AKAP12: variants seen among roughly 807,000 people sequenced by gnomAD.
The protein encoded by AKAP12 is A-kinase anchoring protein 12, also known as A-kinase anchor protein 12.
In AKAP12, 32 loss-of-function variants were observed where a neutral mutation model predicts 79.9. The ratio of observed to expected loss-of-function variants is 0.40; its 90% CI spans 0.30 to 0.54. The LOEUF (loss-of-function observed/expected upper bound fraction) is 0.54. Ranked by LOEUF, AKAP12 falls within the 20% of genes least tolerant of loss-of-function variation. The pLI, the probability that AKAP12 is intolerant of heterozygous loss-of-function variation, is 0.48. For missense variants in AKAP12, 2,074 were observed against 2,177.0 expected (o/e 0.95, Z 0.94); for synonymous variants, 808 against 857.0 (o/e 0.94, Z 1.00).
chr6:151,340,088 G>A (rs180987005), intron 3 of AKAP12, among the ~76,000 whole-genome samples: 2 of 152,076 alleles, frequency 1.3e-5, no homozygotes, highest in Admixed American at 1.3e-4. Flanking sequence ...ACAATGCCCG[G>A]CTAATTTTTG....
Position 151,352,221 on chromosome 6 carries a change from A to T in AKAP12, c.3830A>T (p.Asp1277Val), listed in dbSNP as rs1340621763. Residue 1277 changes from aspartate to valine, a missense_variant, in exon 4 of 5, where the codon GAC becomes GTC. Physicochemically the swap from Asp to Val is radical, Grantham distance 152. Coordinates refer to ENST00000402676, the MANE Select transcript of AKAP12 (RefSeq NM_005100.4). The part of the protein sequence containing the change: ...ADQYADEKTK[D>V]VPFFEGLEGS... ...CAGTATGCTGATGAGAAAACCAAAG[A>T]CGTACCATTTTTCGAAGGACTTGAG... 6.2e-7 allele frequency: 1 copy of T among 1,614,124 alleles called. No individual in the cohort carries two copies. The highest frequency in any genetic ancestry group is 1.1e-5 in the South Asian group (1 of 91,070).
Position 151,343,605 on chromosome 6 carries a change from G to A in AKAP12, c.320-5106G>A, listed in dbSNP as rs563317457. ...TTGAAACCAGCCTGGCCAACATGGT[G>A]AAACCTTATCTGTACAAAAAATACA... On this transcript the variant is annotated intron_variant, in intron 3 of 4. Coordinates refer to ENST00000402676, the MANE Select transcript of AKAP12 (RefSeq NM_005100.4). Among the ~76,000 whole-genome samples, 6 of 152,228 alleles carry A rather than the reference G, an allele frequency of 3.9e-5. No homozygotes were observed. In the East Asian group the frequency reaches 7.7e-4, roughly 20 times the overall value.
Position 151,326,128 on chromosome 6 carries a change from T to C in AKAP12, c.319+20225T>C, listed in dbSNP as rs553553802. Among the ~76,000 whole-genome samples, 3 of 152,360 alleles carry C rather than the reference T, an allele frequency of 2.0e-5. No individual in the cohort carries two copies. In the South Asian group the frequency reaches 6.2e-4, roughly 32 times the overall value. ...TTGGCTGAGCTGGAATCTTCTTGAC[T>C]GTGCCTATGGGAGACCTTTAGTATA... On this transcript the variant is annotated intron_variant, in intron 3 of 4. Transcript: ENST00000402676.
intron 3 of AKAP12, among the ~76,000 whole-genome samples, chr6:151,335,687 G>C (rs531929126): frequency 1.3e-5 from 2 of 152,122 alleles, no homozygotes; most frequent in African/African-American, 4.8e-5. Flanking sequence ...CCCAAAGCTG[G>C]TCTCAGACTC....
At chr6:151,300,259 T>C (rs1222819111) in intron 2 of AKAP12, among the ~76,000 whole-genome samples, 1 of 152,182 alleles carries the variant, frequency 6.6e-6, no homozygotes, top group Non-Finnish European at 1.5e-5. Flanking sequence ...CCTGGTTATA[T>C]TGGCTTCTGG....
At chr6:151,247,859 C>T (rs1210901368) in intron 2 of AKAP12, among the ~76,000 whole-genome samples, 1 of 152,174 alleles carries the variant, frequency 6.6e-6, no homozygotes, top group Non-Finnish European at 1.5e-5. Context: ...CCATCTGGGA[C>T]ACCGGGACAC....
intron 4 of AKAP12, among the ~76,000 whole-genome samples, chr6:151,354,303 T>C (rs1778384478): frequency 7.1e-6 from 1 of 141,358 alleles, no homozygotes; most frequent in Admixed American, 7.1e-5. Context: ...CCAGCGCATA[T>C]AATGACCGAC....
intron 2 of AKAP12, among the ~76,000 whole-genome samples, chr6:151,249,222 G>A (rs1797131561): frequency 6.6e-6 from 1 of 152,058 alleles, no homozygotes; most frequent in African/African-American, 2.4e-5. Context: ...GCATTTGACT[G>A]GTCCAAAAAT....
At chr6:151,336,550 A>C (rs1419264592) in intron 3 of AKAP12, among the ~76,000 whole-genome samples, 1 of 152,084 alleles carries the variant, frequency 6.6e-6, no homozygotes, top group African/African-American at 2.4e-5. Context: ...TTCAAGACCA[A>C]CATGGCCAAC....
At chr6:151,271,595 T>TA (rs1776184411) in intron 2 of AKAP12, among the ~76,000 whole-genome samples, 1 of 151,954 alleles carries the variant, frequency 6.6e-6, no homozygotes, top group South Asian at 2.1e-4. Flanking sequence ...GTGCTGGGAT[T>TA]ACATGTGCGA....
At chr6:151,268,089 C>T (rs563507782) in intron 2 of AKAP12, among the ~76,000 whole-genome samples, 64 of 152,314 alleles carry the variant, frequency 4.2e-4, no homozygotes, top group Non-Finnish European at 5.6e-4. Flanking sequence ...ATCTAGGAAC[C>T]CTCACGGGAC....
At chr6:151,325,594 C>A in intron 3 of AKAP12, 1 of 1,346,252 alleles carries the variant, frequency 7.4e-7, no homozygotes, top group Non-Finnish European at 9.5e-7. Context: ...GAGGGGCCAG[C>A]GCCAGCCCGC....
chr6:151,338,734 A>G (rs1010232004), intron 3 of AKAP12, among the ~76,000 whole-genome samples: 4 of 152,196 alleles, frequency 2.6e-5, no homozygotes, highest in African/African-American at 9.7e-5. Flanking sequence ...TACAGGCGTG[A>G]GCCGCTGCAC....
At chr6:151,325,632 T>A in intron 3 of AKAP12, 1 of 975,936 alleles carries the variant, frequency 1.0e-6, no homozygotes, top group South Asian at 1.9e-5. Flanking sequence ...GGGGCGTGGG[T>A]GGGGGTCCGC....
At chr6:151,331,663 A>T (rs2114794301) in intron 3 of AKAP12, among the ~76,000 whole-genome samples, 1 of 152,222 alleles carries the variant, frequency 6.6e-6, no homozygotes, top group South Asian at 2.1e-4. Flanking sequence ...AGGTGGGTAG[A>T]TCACGAGGTA....
chr6:151,289,800 G>GGGT (rs1372158300), intron 2 of AKAP12, among the ~76,000 whole-genome samples: 2 of 152,196 alleles, frequency 1.3e-5, no homozygotes, highest in Non-Finnish European at 2.9e-5. Context: ...TGTAAAGGGA[G>GGGT]GGTGGTGGGC....
At chr6:151,268,051 C>T (rs1362595877) in intron 2 of AKAP12, among the ~76,000 whole-genome samples, 1 of 152,150 alleles carries the variant, frequency 6.6e-6, no homozygotes, top group African/African-American at 2.4e-5. Flanking sequence ...ATCCCCAACT[C>T]CCATTTTATC....
At chr6:151,259,696 A>T (rs2114696523) in intron 2 of AKAP12, among the ~76,000 whole-genome samples, 1 of 149,910 alleles carries the variant, frequency 6.7e-6, no homozygotes, top group African/African-American at 2.5e-5. Flanking sequence ...CTTGTGCCTC[A>T]TCCTCGAGTT....
At chr6:151,254,188 C>T (rs985628441) in intron 2 of AKAP12, among the ~76,000 whole-genome samples, 10 of 151,822 alleles carry the variant, frequency 6.6e-5, no homozygotes, top group Non-Finnish European at 1.2e-4. Context: ...CCATTACAAT[C>T]TTTGTATTCC....
Sources: allele counts gnomAD v4.1 joint callset (sites outside exome capture counted in the v4.1 genomes callset), GRCh38; gene constraint gnomAD v4.1.1; transcripts MANE v1.5; gene names NCBI Gene and HGNC (gene_info 2026-07-23, HGNC 2026-07-21).